The following SLC44A5 variants were observed in gnomAD, a reference collection of about 807,000 sequenced individuals.
SLC44A5 encodes choline transporter-like protein 5.
SLC44A5 carries 57 observed loss-of-function variants against 101.8 expected under a neutral mutation model. The observed-to-expected ratio is 0.56, with a 90% CI of 0.45 to 0.70. The LOEUF is 0.70. Among genes scored for constraint, SLC44A5 ranks in the 30% least tolerant of loss-of-function variants. The probability of loss-of-function intolerance (pLI) is 0.00; values close to 1 mark genes in which losing one functional copy is unlikely to be tolerated. For synonymous variants in SLC44A5, 281 were observed against 290.9 expected (o/e 0.97, Z 0.35); for missense variants, 737 against 853.1 (o/e 0.86, Z 1.70).
chr1:75,565,407 C>G (rs1039076984), intron 1 of SLC44A5, among the ~76,000 whole-genome samples: 9 of 152,188 alleles, frequency 5.9e-5, no homozygotes, highest in African/African-American at 9.7e-5. Flanking sequence ...AAAACTGCCA[C>G]TAATGCACAA....
intron 2 of SLC44A5, among the ~76,000 whole-genome samples, chr1:75,407,251 G>A (rs191176664): frequency 6.6e-6 from 1 of 152,086 alleles, no homozygotes; most frequent in Non-Finnish European, 1.5e-5. Context: ...TCATGGATAG[G>A]AAGAATCAAT....
intron 4 of SLC44A5, among the ~76,000 whole-genome samples, chr1:75,320,055 A>G (rs1405014194): frequency 6.6e-6 from 1 of 152,142 alleles, no homozygotes; most frequent in African/African-American, 2.4e-5. Context: ...AGAAGAGATA[A>G]TTACTCAAAA....
intron 1 of SLC44A5, among the ~76,000 whole-genome samples, chr1:75,572,778 G>A (rs1337254269): frequency 1.3e-5 from 2 of 151,994 alleles, no homozygotes; most frequent in Non-Finnish European, 2.9e-5. Flanking sequence ...TGGAAAAAGA[G>A]GAATGGGGAA....
At chr1:75,450,733 T>G (rs1372558091) in intron 2 of SLC44A5, among the ~76,000 whole-genome samples, 1 of 152,172 alleles carries the variant, frequency 6.6e-6, no homozygotes, top group Non-Finnish European at 1.5e-5. Context: ...CTCCACCCCA[T>G]GCCCAGGCAG....
At chr1:75,215,020 G>C (rs1432281472) in intron 19 of SLC44A5, among the ~76,000 whole-genome samples, 3 of 152,036 alleles carry the variant, frequency 2.0e-5, no homozygotes, top group African/African-American at 7.2e-5. Context: ...GTTAAATATT[G>C]TAGTCTCTAC....
At chr1:75,672,461 GA>G in the SLC44A5 span, among the ~76,000 whole-genome samples, 4 of 152,126 alleles carry the variant, frequency 2.6e-5, no homozygotes, top group Non-Finnish European at 4.4e-5. Context: ...GAGATCCAGA[GA>G]GTCCCACCAC....
At chr1:75,294,147 G>T (rs536436313) in intron 5 of SLC44A5, among the ~76,000 whole-genome samples, 77 of 152,258 alleles carry the variant, frequency 5.1e-4, no homozygotes, top group Non-Finnish European at 4.7e-4. Context: ...TCCAAGCTGT[G>T]ATCTGATAGG....
chr1:75,211,823 CTTTTCTTTTCTTTT>C (rs995939815), intron 22 of SLC44A5, among the ~76,000 whole-genome samples: 3 of 147,764 alleles, frequency 2.0e-5, no homozygotes, highest in African/African-American at 7.5e-5. Flanking sequence ...CCTTTCTTTT[CTTTTCTTTTCTTTT>C]TTTTCTTTTC....
chr1:75,537,376 A>G (rs904568952), intron 2 of SLC44A5, among the ~76,000 whole-genome samples: 11 of 152,078 alleles, frequency 7.2e-5, no homozygotes, highest in Admixed American at 4.6e-4. Context: ...TACTGAGTCC[A>G]TTTCTTTTGT....
At chr1:75,444,481 AAG>A (rs1403743909) in intron 2 of SLC44A5, among the ~76,000 whole-genome samples, 1 of 129,742 alleles carries the variant, frequency 7.7e-6, no homozygotes, top group African/African-American at 2.8e-5. Context: ...AAGAGAAAGA[AAG>A]AAGAAAGAAA....
intron 3 of SLC44A5, among the ~76,000 whole-genome samples, chr1:75,351,846 CAAAAAA>C (rs71071942): frequency 7.0e-5 from 2 of 28,412 alleles, no homozygotes; most frequent in Non-Finnish European, 1.2e-4. Flanking sequence ...CACACTTTAC[CAAAAAA>C]AAAAAAAAAA....
At chr1:75,430,857 G>T (rs1664576225) in intron 2 of SLC44A5, among the ~76,000 whole-genome samples, 1 of 152,144 alleles carries the variant, frequency 6.6e-6, no homozygotes, top group South Asian at 2.1e-4. Context: ...AGGCCTCTGG[G>T]CTCCAACCAG....
intron 22 of SLC44A5, 92 bp from the exon 23 acceptor site, chr1:75,211,644 T>C: frequency 1.1e-6 from 1 of 934,256 alleles, no homozygotes; most frequent in Non-Finnish European, 1.7e-6. Flanking sequence ...GATGAGAAAG[T>C]TTTGAAGTAC....
chr1:75,636,528 C>T, the SLC44A5 span, among the ~76,000 whole-genome samples: 11 of 152,196 alleles, frequency 7.2e-5, no homozygotes, highest in East Asian at 2.1e-3. Flanking sequence ...ATACTACTTC[C>T]TTTCTGTTTT....
At chr1:75,709,369 T>C in the SLC44A5 span, among the ~76,000 whole-genome samples, 3 of 152,332 alleles carry the variant, frequency 2.0e-5, no homozygotes, top group Non-Finnish European at 2.9e-5. Context: ...GGCGGTATTA[T>C]TACATACTGA....
At chr1:75,510,305 G>A (rs1669497614) in intron 2 of SLC44A5, among the ~76,000 whole-genome samples, 1 of 152,118 alleles carries the variant, frequency 6.6e-6, no homozygotes, top group Non-Finnish European at 1.5e-5. Context: ...CTAAAATGCA[G>A]CAGAAAGTCC....
At chr1:75,313,075 T>C (rs913907382) in intron 4 of SLC44A5, among the ~76,000 whole-genome samples, 1 of 152,178 alleles carries the variant, frequency 6.6e-6, no homozygotes. Flanking sequence ...GGATGAAGTG[T>C]GTGGTGAATG....
At chr1:75,370,402 T>G (rs1331124168) in intron 3 of SLC44A5, among the ~76,000 whole-genome samples, 1 of 152,222 alleles carries the variant, frequency 6.6e-6, no homozygotes, top group Admixed American at 6.5e-5. Flanking sequence ...AGACTCAGCC[T>G]TGGGTAGCAT....
chr1:75,625,021 T>C, the SLC44A5 span, among the ~76,000 whole-genome samples: 44,570 of 151,740 alleles, frequency 0.29, 7,508 homozygotes, highest in East Asian at 0.82. Context: ...ACTTCCAACC[T>C]CTCAGCTACT....
Sources: gnomAD v4.1 joint callset for allele counts (sites outside exome capture counted in the v4.1 genomes callset) on GRCh38, gnomAD v4.1.1 for gene constraint, MANE v1.5 for transcripts, NCBI Gene and HGNC (gene_info 2026-07-23, HGNC 2026-07-21) for gene names.